RGS6: variants seen among roughly 807,000 people sequenced by gnomAD.
RGS6 encodes regulator of G protein signaling 6.
A neutral mutation model predicts 78.5 loss-of-function variants in RGS6; 30 were observed. The ratio of observed to expected loss-of-function variants is 0.38; its 90% CI spans 0.29 to 0.52. The LOEUF (loss-of-function observed/expected upper bound fraction) is 0.52. RGS6 is among the 20% of genes least tolerant of loss of function. The probability of loss-of-function intolerance (pLI) is 0.85; values close to 1 mark genes in which losing one functional copy is unlikely to be tolerated. For synonymous variants in RGS6, 206 were observed against 206.0 expected, an observed-to-expected ratio of 1.00 and a Z score of 0.00; for missense variants, 495 against 609.7, an observed-to-expected ratio of 0.81 and a Z score of 1.98.
the RGS6 span, among the ~76,000 whole-genome samples, chr14:71,898,865 A>T: frequency 2.0e-5 from 3 of 152,208 alleles, no homozygotes; most frequent in Non-Finnish European, 4.4e-5. Context: ...TTGTGGCTGC[A>T]TAGTAACCCA....
intron 2 of RGS6, among the ~76,000 whole-genome samples, chr14:71,981,599 G>C (rs1429104332): frequency 6.6e-6 from 1 of 151,808 alleles, no homozygotes. Context: ...AGGCTGCTCG[G>C]GGGTCAGGGG....
At chr14:72,415,357 T>G (rs1184393351) in intron 3 of RGS6, among the ~76,000 whole-genome samples, 1 of 152,266 alleles carries the variant, frequency 6.6e-6, no homozygotes, top group Non-Finnish European at 1.5e-5. Flanking sequence ...GGATATAATC[T>G]CCTGGTGTGC....
At chr14:72,179,222 C>T (rs1053504941) in intron 2 of RGS6, among the ~76,000 whole-genome samples, 5 of 152,132 alleles carry the variant, frequency 3.3e-5, no homozygotes, top group African/African-American at 1.2e-4. Context: ...TCTCCTTTGC[C>T]CCTTTTTGTG....
the RGS6 span, among the ~76,000 whole-genome samples, chr14:71,878,163 A>G: frequency 7.2e-5 from 11 of 152,360 alleles, no homozygotes; most frequent in South Asian, 2.3e-3. Flanking sequence ...GTATGTTCTC[A>G]GATCTCAAAC....
intron 2 of RGS6, among the ~76,000 whole-genome samples, chr14:72,160,137 G>A (rs375600527): frequency 1.2e-4 from 19 of 152,230 alleles, no homozygotes; most frequent in African/African-American, 4.3e-4. Flanking sequence ...AATGTTGTTC[G>A]ATCAAATCAT....
intron 2 of RGS6, among the ~76,000 whole-genome samples, chr14:72,228,915 C>T (rs2048834446): frequency 6.6e-6 from 1 of 152,256 alleles, no homozygotes; most frequent in South Asian, 2.1e-4. Context: ...TTTAGCCGGG[C>T]AAGGCGGCAG....
chr14:72,119,248 T>A (rs2095986996), intron 2 of RGS6, among the ~76,000 whole-genome samples: 1 of 152,152 alleles, frequency 6.6e-6, no homozygotes, highest in Non-Finnish European at 1.5e-5. Flanking sequence ...GGGTAGAGCT[T>A]TTTAACACAG....
At chr14:72,092,674 G>C (rs546903224) in intron 2 of RGS6, among the ~76,000 whole-genome samples, 1 of 152,156 alleles carries the variant, frequency 6.6e-6, no homozygotes, top group Non-Finnish European at 1.5e-5. Flanking sequence ...GAACCATTGC[G>C]CCTGGCCTCA....
intron 2 of RGS6, among the ~76,000 whole-genome samples, chr14:72,140,437 G>T (rs2096524014): frequency 6.6e-6 from 1 of 152,190 alleles, no homozygotes; most frequent in Admixed American, 6.5e-5. Context: ...ATTGACACAA[G>T]ATGTTAATGG....
the RGS6 span, among the ~76,000 whole-genome samples, chr14:72,572,031 AT>A: frequency 2.0e-5 from 3 of 152,228 alleles, no homozygotes; most frequent in Non-Finnish European, 4.4e-5. Context: ...AGCTACACAA[AT>A]AACCAACAAG....
At chr14:72,240,256 ATCTG>A (rs1277525940) in intron 2 of RGS6, among the ~76,000 whole-genome samples, 1 of 152,164 alleles carries the variant, frequency 6.6e-6, no homozygotes, top group East Asian at 1.9e-4. Context: ...CTTGATCCTA[ATCTG>A]TCTGATCTCC....
intron 7 of RGS6, chr14:72,469,468 A>G (rs2096016412): frequency 6.6e-6 from 1 of 152,428 alleles, no homozygotes; most frequent in African/African-American, 2.4e-5. Flanking sequence ...TGGCCTTCCA[A>G]AATGCTGCGA....
the RGS6 span, among the ~76,000 whole-genome samples, chr14:71,869,736 A>T: frequency 6.6e-6 from 1 of 152,190 alleles, no homozygotes; most frequent in Non-Finnish European, 1.5e-5. Context: ...CATGGTTTGA[A>T]TATTTGTCCC....
intron 2 of RGS6, among the ~76,000 whole-genome samples, chr14:72,336,214 T>A (rs988317128): frequency 2.6e-5 from 4 of 152,264 alleles, no homozygotes; most frequent in Non-Finnish European, 4.4e-5. Context: ...TTTACATTTA[T>A]TCCTTACTTT....
chr14:71,874,840 T>G, the RGS6 span, among the ~76,000 whole-genome samples: 1 of 152,176 alleles, frequency 6.6e-6, no homozygotes, highest in African/African-American at 2.4e-5. Context: ...TTATTGAAAG[T>G]TTTTAGCATG....
intron 17 of RGS6, among the ~76,000 whole-genome samples, chr14:72,552,166 G>A (rs1227326273): frequency 6.6e-6 from 1 of 152,250 alleles, no homozygotes; most frequent in Non-Finnish European, 1.5e-5. Flanking sequence ...CAAGGTGCAT[G>A]TATTACAGAG....
chr14:71,944,192 C>T (rs2091113208), intron 1 of RGS6, among the ~76,000 whole-genome samples: 1 of 152,146 alleles, frequency 6.6e-6, no homozygotes. Flanking sequence ...GCTCAGCCTA[C>T]AAAACTATGG....
intron 2 of RGS6, among the ~76,000 whole-genome samples, chr14:72,224,541 G>A (rs1389059758): frequency 6.6e-6 from 1 of 151,836 alleles, no homozygotes; most frequent in Non-Finnish European, 1.5e-5. Flanking sequence ...TTTGAGTTTG[G>A]TACATAAAAT....
the RGS6 span, among the ~76,000 whole-genome samples, chr14:71,926,747 G>A: frequency 6.6e-6 from 1 of 152,090 alleles, no homozygotes; most frequent in Non-Finnish European, 1.5e-5. Context: ...GCTTTCTCTT[G>A]TTTTACAGGG....
Sources: allele counts gnomAD v4.1 joint callset (sites outside exome capture counted in the v4.1 genomes callset), GRCh38; gene constraint gnomAD v4.1.1; transcripts MANE v1.5; gene names NCBI Gene and HGNC (gene_info 2026-07-23, HGNC 2026-07-21).